TEX10: variants seen among roughly 807,000 people sequenced by gnomAD.
TEX10 encodes the protein testis-expressed protein 10.
TEX10 carries 24 observed loss-of-function variants against 104.4 expected under a neutral mutation model. The observed-to-expected ratio is 0.23, with a 90% CI of 0.17 to 0.32. TEX10 has a LOEUF of 0.32. TEX10 is among the 10% of genes least tolerant of loss of function. The probability of loss-of-function intolerance (pLI) is 1.00; values close to 1 mark genes in which losing one functional copy is unlikely to be tolerated. For synonymous variants in TEX10, 396 were observed against 393.4 expected, an observed-to-expected ratio of 1.01 and a Z score of -0.08; for missense variants, 921 against 1,083.9, an observed-to-expected ratio of 0.85 and a Z score of 2.11.
chr9:100,336,212 G>T (rs1462489505), intron 5 of TEX10, among the ~76,000 whole-genome samples: 1 of 152,030 alleles, frequency 6.6e-6, no homozygotes, highest in Non-Finnish European at 1.5e-5. Flanking sequence ...AATACACTGG[G>T]GGTACCTGAA....
chr9:100,308,474 A>C (rs768737415), intron 13 of TEX10, 26 bp downstream of exon 13: 1 of 1,556,262 alleles, frequency 6.4e-7, no homozygotes. Flanking sequence ...TAGGAAAATT[A>C]AGGTTGAAGA....
intron 5 of TEX10, among the ~76,000 whole-genome samples, chr9:100,332,346 AATCT>A (rs1834884412): frequency 6.6e-6 from 1 of 152,192 alleles, no homozygotes; most frequent in Non-Finnish European, 1.5e-5. Flanking sequence ...CAGGCAGCAT[AATCT>A]ATTACAATCC....
Position 100,302,347 on chromosome 9 carries a change from C to A in TEX10, c.2677-43G>T, listed in dbSNP as rs749420249. The A allele has an allele frequency of 3.3e-5, 46 of 1,384,520 alleles. No individual in the cohort carries two copies. In the South Asian group the frequency reaches 5.4e-4, roughly 16 times the overall value. 85.8% of individuals were successfully genotyped at this position (1,384,520 alleles called of 1,614,324 possible). ...AGTAATCTGAGAACTGCACCCAAAT[C>A]ACTATGCTACCTGACAGTATTTTTC... On this transcript the variant is annotated intron_variant, in intron 14 of 14. Transcript: ENST00000374902.
At chr9:100,322,634 G>A (rs941623036) in intron 9 of TEX10, among the ~76,000 whole-genome samples, 13 of 151,526 alleles carry the variant, frequency 8.6e-5, no homozygotes, top group Non-Finnish European at 1.8e-4. Flanking sequence ...TATTTTTTGG[G>A]GGGATGGAGT....
Position 100,329,967 on chromosome 9 carries a change from C to G in TEX10, c.1453G>C (p.Val485Leu). 6.2e-7 allele frequency: 1 copy of G among 1,613,738 alleles called. No homozygotes were observed. Among genetic ancestry groups the G allele is most frequent in the Non-Finnish European group, 8.5e-7 (1 of 1,179,786 alleles). ...NSKQLNRLLG[V>L]SWRLMQIQPN... ...TGTATTTGCATTAACCTCCAGGATA[C>G]TCCCAGCAATCTGTTCAGTTGCTTA... The change falls in exon 6 of 15, where the codon GTA (valine) becomes CTA (leucine). Residue 485 changes from valine to leucine, a missense_variant. Val to Leu is a conservative substitution (Grantham distance 32). Coordinates refer to ENST00000374902, the MANE Select transcript of TEX10 (RefSeq NM_017746.4).
At chr9:100,336,655 C>T (rs1029602154) in intron 5 of TEX10, among the ~76,000 whole-genome samples, 6 of 152,100 alleles carry the variant, frequency 3.9e-5, no homozygotes, top group East Asian at 1.9e-4. Flanking sequence ...AGAAATAAAG[C>T]GCACAATAAA....
chr9:100,338,307 T>A (rs1835063369), intron 5 of TEX10, among the ~76,000 whole-genome samples: 1 of 152,160 alleles, frequency 6.6e-6, no homozygotes, highest in Non-Finnish European at 1.5e-5. Flanking sequence ...AGAACCAGAA[T>A]CATCATGCCT....
Position 100,346,867 on chromosome 9 carries a change from A to G in TEX10, c.720T>C (p.Asp240=). 1 of 1,614,164 alleles carries G rather than the reference A, an allele frequency of 6.2e-7. No homozygotes were observed. Among genetic ancestry groups the G allele is most frequent in the East Asian group, 2.2e-5 (1 of 44,884 alleles). The change falls in exon 3 of 15, where the codon GAT becomes GAC. Residue 240 remains aspartate, a synonymous_variant. Coordinates refer to ENST00000374902, the MANE Select transcript of TEX10 (RefSeq NM_017746.4). The part of the protein sequence containing the change: ...RLSKFLQALA[D]GSSRLRESEG... ...CACTTTCTCTCAACCTACTGGATCCATCTGCCAAGGCCTGAAGGAATTTAC... is the reference window on the plus strand; with the variant it reads ...CACTTTCTCTCAACCTACTGGATCCGTCTGCCAAGGCCTGAAGGAATTTAC...
chr9:100,324,782 T>G (rs182197097), intron 9 of TEX10, among the ~76,000 whole-genome samples: 13 of 152,264 alleles, frequency 8.5e-5, no homozygotes, highest in Admixed American at 5.9e-4. Context: ...GTAAGTTATA[T>G]CTAAGGAACA....
chr9:100,318,925 C>T (rs1228816188), intron 11 of TEX10, among the ~76,000 whole-genome samples: 1 of 152,304 alleles, frequency 6.6e-6, no homozygotes, highest in African/African-American at 2.4e-5. Context: ...GGAGCAGTGG[C>T]TCACACCTGT....
intron 8 of TEX10, among the ~76,000 whole-genome samples, chr9:100,326,848 GTA>G (rs956917722): frequency 6.6e-6 from 1 of 151,810 alleles, no homozygotes; most frequent in Non-Finnish European, 1.5e-5. Context: ...TTTGCTGTGT[GTA>G]TATATATATA....
intron 9 of TEX10, 98 bp downstream of exon 9, chr9:100,326,204 A>T: frequency 8.1e-7 from 1 of 1,228,832 alleles, no homozygotes; most frequent in Non-Finnish European, 1.1e-6. Flanking sequence ...AAATGAAAGT[A>T]GTGTATGCGA....
At chr9:100,334,755 C>G (rs1834966143) in intron 5 of TEX10, among the ~76,000 whole-genome samples, 1 of 151,380 alleles carries the variant, frequency 6.6e-6, no homozygotes, top group African/African-American at 2.4e-5. Context: ...ACCTCCACCT[C>G]TGGGCTTCAA....
At chr9:100,335,757 T>C (rs1402554459) in intron 5 of TEX10, among the ~76,000 whole-genome samples, 1 of 151,228 alleles carries the variant, frequency 6.6e-6, no homozygotes, top group Admixed American at 6.6e-5. Context: ...AGATAGATGG[T>C]GATGATCACA....
At chr9:100,329,734 AG>A (rs1834805844) in intron 6 of TEX10, among the ~76,000 whole-genome samples, 196 bp downstream of exon 6, 4 of 152,078 alleles carry the variant, frequency 2.6e-5, no homozygotes, top group African/African-American at 9.7e-5. Flanking sequence ...TCTGCTTCAG[AG>A]TGGACCTACC....
At chr9:100,307,098 TTATAG>T (rs1412651946) in intron 13 of TEX10, 1 of 152,216 alleles carries the variant, frequency 6.6e-6, no homozygotes, top group African/African-American at 2.4e-5. Flanking sequence ...TGCATAAATT[TTATAG>T]TATATTTAAA....
chr9:100,303,926 T>C, intron 13 of TEX10, 84 bp from the exon 14 acceptor site: 2 of 1,329,544 alleles, frequency 1.5e-6, no homozygotes, highest in Non-Finnish European at 2.1e-6. Context: ...AAGTGAAATG[T>C]CCTTTTAAGG....
chr9:100,349,433 G>T, intron 1 of TEX10, 61 bp from the exon 2 acceptor site: 1 of 1,195,266 alleles, frequency 8.4e-7, no homozygotes, highest in Non-Finnish European at 1.1e-6. Flanking sequence ...TATGAAAAAA[G>T]GCACTTTCCA....
intron 11 of TEX10, among the ~76,000 whole-genome samples, chr9:100,310,961 CT>C (rs1236032523): frequency 6.6e-6 from 1 of 151,770 alleles, no homozygotes; most frequent in East Asian, 1.9e-4. Flanking sequence ...TCTCATACCC[CT>C]CAAGTGGCTT....
Sources: allele counts gnomAD v4.1 joint callset (sites outside exome capture counted in the v4.1 genomes callset), GRCh38; gene constraint gnomAD v4.1.1; transcripts MANE v1.5; gene names NCBI Gene and HGNC (gene_info 2026-07-23, HGNC 2026-07-21).